CDCA7L: variants seen among roughly 807,000 people sequenced by gnomAD.
CDCA7L encodes the protein cell division cycle associated 7 like.
Under a neutral mutation model 57.4 loss-of-function variants are expected in CDCA7L, and 44 were observed. That is an observed-to-expected ratio of 0.77 (90% CI 0.60 to 0.98). The LOEUF (loss-of-function observed/expected upper bound fraction) is 0.98, where lower values mean the gene tolerates loss of function less well. Ranked by LOEUF, CDCA7L falls within the 50% of genes least tolerant of loss-of-function variation. The pLI is 0.00. For missense variants in CDCA7L, 644 were observed against 580.6 expected, an observed-to-expected ratio of 1.11 and a Z score of -1.12; for synonymous variants, 236 against 202.8, an observed-to-expected ratio of 1.16 and a Z score of -1.39.
At chr7:21,910,350 C>G (rs1785276989) in intron 3 of CDCA7L, among the ~76,000 whole-genome samples, 1 of 152,186 alleles carries the variant, frequency 6.6e-6, no homozygotes, top group Non-Finnish European at 1.5e-5. Context: ...CCTGGGGCCT[C>G]CAGGCTGGCA....
chr7:21,912,576 C>A (rs1274063385), intron 2 of CDCA7L, among the ~76,000 whole-genome samples: 1 of 152,190 alleles, frequency 6.6e-6, no homozygotes, highest in African/African-American at 2.4e-5. Context: ...CCTTTCAAAG[C>A]CGGAGTCTCC....
At chr7:21,930,664 C>T (rs1211904435) in intron 1 of CDCA7L, among the ~76,000 whole-genome samples, 3 of 138,194 alleles carry the variant, frequency 2.2e-5, no homozygotes, top group Non-Finnish European at 4.5e-5. Flanking sequence ...CGCCATTGCA[C>T]TCCAGCCCCG....
intron 1 of CDCA7L, among the ~76,000 whole-genome samples, chr7:21,935,209 T>C (rs1377378355): frequency 3.3e-5 from 5 of 151,998 alleles, no homozygotes; most frequent in Non-Finnish European, 5.9e-5. Flanking sequence ...TACAGTAGAG[T>C]GAAACTAGAA....
At chr7:21,916,377 T>C (rs1785480440) in intron 2 of CDCA7L, among the ~76,000 whole-genome samples, 1 of 151,932 alleles carries the variant, frequency 6.6e-6, no homozygotes, top group Non-Finnish European at 1.5e-5. Flanking sequence ...GGTGTAATTG[T>C]CTCCCCGTAA....
In CDCA7L at chr7:21,910,243, G is replaced by A. The variant is rs555445881; in HGVS notation, c.303+1374C>T. ...GATGATGCCCATTAGGGTTTTAGAA[G>A]CATCTTAATATCGTGCTGGCAAGAA... On this transcript the variant is annotated intron_variant, in intron 3 of 9. Coordinates refer to ENST00000406877, the MANE Select transcript of CDCA7L (RefSeq NM_018719.5). Among the ~76,000 whole-genome samples, 123 of 152,256 alleles carry A rather than the reference G, an allele frequency of 8.1e-4. 1 individual carries two copies. Among genetic ancestry groups the A allele is most frequent in the Non-Finnish European group, 2.4e-4 (16 of 67,986 alleles).
At chr7:21,911,440 T>C (rs1381677612) in intron 3 of CDCA7L, among the ~76,000 whole-genome samples, 177 bp downstream of exon 3, 1 of 152,200 alleles carries the variant, frequency 6.6e-6, no homozygotes, top group Non-Finnish European at 1.5e-5. Flanking sequence ...AATAATGGAC[T>C]GGTGGACCAG....
At position 21,916,744 on chromosome 7, in the gene CDCA7L, T is replaced by C; in HGVS notation, c.165+10A>G. On this transcript the variant is annotated intron_variant, in intron 2 of 9. Coordinates refer to ENST00000406877, the MANE Select transcript of CDCA7L (RefSeq NM_018719.5). ...GATGAACACATCTGCTTGGAAGGAA[T>C]CATCCATACCTGTTTCCCTGACTCT... The C allele has an allele frequency of 6.2e-7, 1 of 1,612,866 alleles. No individual in the cohort carries two copies. The highest frequency in any genetic ancestry group is 8.5e-7 in the Non-Finnish European group (1 of 1,179,090).
chr7:21,937,841 T>C (rs568180201), intron 1 of CDCA7L, among the ~76,000 whole-genome samples: 116 of 152,228 alleles, frequency 7.6e-4, no homozygotes, highest in African/African-American at 2.4e-3. Context: ...CCAAGAATAA[T>C]GGCAAAGAAC....
At chr7:21,906,168 G>A in intron 6 of CDCA7L, 121 bp downstream of exon 6, 1 of 896,578 alleles carries the variant, frequency 1.1e-6, no homozygotes, top group Admixed American at 2.5e-5. Context: ...AGAAATGCAA[G>A]TTCTCAGCTG....
At chr7:21,929,108 T>C (rs978648565) in intron 1 of CDCA7L, among the ~76,000 whole-genome samples, 2 of 152,150 alleles carry the variant, frequency 1.3e-5, no homozygotes, top group Non-Finnish European at 2.9e-5. Flanking sequence ...AGCGGATCTC[T>C]AGGCAGAAAC....
Position 21,939,523 on chromosome 7 carries a change from T to C in CDCA7L, c.24+6258A>G, listed in dbSNP as rs954464765. On this transcript the variant is annotated intron_variant, in intron 1 of 9. Transcript: ENST00000406877. ...CTGGGAGTGAAGTGAACCAAATCAC[T>C]TGGGAAGTGTGAAGTAATTTCCTCC... 9.2e-5 allele frequency among the ~76,000 whole-genome samples: 14 copies of C among 152,296 alleles called. No homozygotes were observed. The East Asian group carries it at 1.4e-3, about 15-fold the overall frequency.
chr7:21,934,413 G>A (rs1173385232), intron 1 of CDCA7L, among the ~76,000 whole-genome samples: 2 of 151,848 alleles, frequency 1.3e-5, no homozygotes, highest in Non-Finnish European at 2.9e-5. Context: ...AACTATCTAA[G>A]AAGAAAAGGA....
At chr7:21,916,044 A>G (rs1018645942) in intron 2 of CDCA7L, among the ~76,000 whole-genome samples, 4 of 152,124 alleles carry the variant, frequency 2.6e-5, no homozygotes, top group African/African-American at 9.7e-5. Context: ...CAGGCACTTC[A>G]CTTACATATA....
intron 4 of CDCA7L, 27 bp from the exon 5 acceptor site, chr7:21,906,666 C>G: frequency 1.9e-6 from 3 of 1,612,000 alleles, no homozygotes; most frequent in Non-Finnish European, 2.5e-6. Flanking sequence ...AAGAAAGAAT[C>G]TTACAAAAAT....
chr7:21,908,796 T>C lies in CDCA7L; in HGVS notation c.304-289A>G, dbSNP rs115782713. Among the ~76,000 whole-genome samples the C allele has an allele frequency of 5.8e-3, 889 of 152,200 alleles. 11 individuals carry two copies. The highest frequency in any genetic ancestry group is 0.02 in the African/African-American group (847 of 41,506). ...GTAAGCAAAACACTGACAGGGTGGG[T>C]TCCTCCACCGTGGGACAACCAGGGA... is the stretch of plus-strand genomic sequence containing the variant. On this transcript the variant is annotated intron_variant, in intron 3 of 9. Coordinates refer to ENST00000406877, the MANE Select transcript of CDCA7L (RefSeq NM_018719.5).
intron 2 of CDCA7L, among the ~76,000 whole-genome samples, chr7:21,913,841 T>C (rs952994843): frequency 1.3e-5 from 2 of 152,194 alleles, no homozygotes; most frequent in African/African-American, 4.8e-5. Context: ...CAACTTACCA[T>C]TGTCCTGAAC....
At chr7:21,941,358 T>C (rs1159372075) in intron 1 of CDCA7L, among the ~76,000 whole-genome samples, 1 of 152,164 alleles carries the variant, frequency 6.6e-6, no homozygotes, top group African/African-American at 2.4e-5. Context: ...ACAGCAATCA[T>C]ACTGTAAAGG....
intron 1 of CDCA7L, 30 bp downstream of exon 1, chr7:21,945,751 C>G: frequency 6.2e-7 from 1 of 1,600,852 alleles, no homozygotes; most frequent in Non-Finnish European, 8.5e-7. Context: ...GTGGGTGCGT[C>G]CGGACGGCGG....
At chr7:21,931,359 G>C (rs528420599) in intron 1 of CDCA7L, among the ~76,000 whole-genome samples, 3 of 152,210 alleles carry the variant, frequency 2.0e-5, no homozygotes, top group Admixed American at 6.5e-5. Flanking sequence ...CCTGATGAAC[G>C]AAGATTTTCA....
Sources: allele counts gnomAD v4.1 joint callset (sites outside exome capture counted in the v4.1 genomes callset), GRCh38; gene constraint gnomAD v4.1.1; transcripts MANE v1.5; gene names NCBI Gene and HGNC (gene_info 2026-07-23, HGNC 2026-07-21).